SCN9A: variants seen among roughly 807,000 people sequenced by gnomAD.
SCN9A encodes sodium voltage-gated channel alpha subunit 9.
A neutral mutation model predicts 187.0 loss-of-function variants in SCN9A; 131 were observed. The observed-to-expected ratio is 0.70, with a 90% confidence interval of 0.61 to 0.81. The LOEUF is 0.81. Among genes scored for constraint, SCN9A ranks in the 30% least tolerant of loss-of-function variants. SCN9A has a pLI of 0.00. For synonymous variants in SCN9A, 809 were observed against 808.6 expected (o/e 1.00, Z -0.01); for missense variants, 2,252 against 2,396.6 (o/e 0.94, Z 1.26).
At chr2:166,272,910 G>T (rs2106461680) in intron 16 of SCN9A, 35 bp from the exon 17 acceptor site, 10 of 921,004 alleles carry the variant, frequency 1.1e-5, no homozygotes, top group Non-Finnish European at 1.5e-5. Flanking sequence ...TAGAGAAATA[G>T]GGAGACAGGA....
intron 1 of SCN9A, among the ~76,000 whole-genome samples, chr2:166,354,977 A>G (rs55989063): frequency 0.4 from 60,328 of 151,884 alleles, 13,024 homozygotes; most frequent in Non-Finnish European, 0.48. Flanking sequence ...AATGTCTCCT[A>G]CTGTTACCCA....
intron 21 of SCN9A, among the ~76,000 whole-genome samples, chr2:166,229,247 ATAAC>A (rs1346488290): frequency 1.3e-5 from 2 of 152,194 alleles, no homozygotes; most frequent in Non-Finnish European, 2.9e-5. Context: ...ATAAGACAAA[ATAAC>A]TAAGATAATA....
chr2:166,240,896 T>C (rs1439067200), intron 19 of SCN9A, among the ~76,000 whole-genome samples: 1 of 152,110 alleles, frequency 6.6e-6, no homozygotes, highest in African/African-American at 2.4e-5. Context: ...AAAGGATGCA[T>C]TCCCTAAGCT....
At chr2:166,308,497 G>C (rs1228301180) in intron 2 of SCN9A, among the ~76,000 whole-genome samples, 2 of 152,148 alleles carry the variant, frequency 1.3e-5, no homozygotes, top group African/African-American at 2.4e-5. Flanking sequence ...GATGTGCCTT[G>C]CTTCCCCTTT....
At chr2:166,323,819 TAA>T (rs1338763192) in intron 1 of SCN9A, among the ~76,000 whole-genome samples, 3 of 151,994 alleles carry the variant, frequency 2.0e-5, no homozygotes, top group African/African-American at 7.2e-5. Flanking sequence ...TTTAAGAGAA[TAA>T]GTTATTCTCT....
At chr2:166,252,655 T>C (rs1029830486) in intron 17 of SCN9A, among the ~76,000 whole-genome samples, 2 of 151,864 alleles carry the variant, frequency 1.3e-5, no homozygotes, top group African/African-American at 4.8e-5. Flanking sequence ...AAATTAAACA[T>C]GGCAGACTTA....
At chr2:166,263,272 T>C (rs924261160) in intron 17 of SCN9A, among the ~76,000 whole-genome samples, 2 of 152,024 alleles carry the variant, frequency 1.3e-5, no homozygotes, top group Non-Finnish European at 2.9e-5. Flanking sequence ...CATGCCTCAC[T>C]TTTTACAGAT....
intron 1 of SCN9A, among the ~76,000 whole-genome samples, chr2:166,356,058 A>T (rs533712836): frequency 5.3e-5 from 8 of 152,154 alleles, no homozygotes; most frequent in Non-Finnish European, 1.2e-4. Flanking sequence ...GGCGTGAGCC[A>T]CTGCGCCTGG....
chr2:166,334,841 C>A (rs932670980), intron 1 of SCN9A, among the ~76,000 whole-genome samples: 1 of 152,184 alleles, frequency 6.6e-6, no homozygotes, highest in South Asian at 2.1e-4. Context: ...GAGCTTAAAA[C>A]CTTGTATGAT....
chr2:166,361,266 A>C (rs868525965), intron 1 of SCN9A, among the ~76,000 whole-genome samples: 1 of 152,140 alleles, frequency 6.6e-6, no homozygotes, highest in African/African-American at 2.4e-5. Context: ...TGTATACCTA[A>C]AGCTAATGTT....
chr2:166,213,130 A>G (rs770681102), intron 24 of SCN9A, among the ~76,000 whole-genome samples: 17 of 152,220 alleles, frequency 1.1e-4, no homozygotes, highest in Non-Finnish European at 2.5e-4. Flanking sequence ...AATAATAAGT[A>G]TTAGAGCTAA....
rs1693239853 is a variant in SCN9A at position 166,196,042 on chromosome 2, T to G, written c.*2630A>C. ...GCCTGGGTGACAGAGCGAGACCTGG[T>G]CACTTAAAAAAGTTTTTAGAAAACC... On this transcript the variant is annotated 3_prime_UTR_variant, in exon 27 of 27. Coordinates refer to ENST00000642356, the MANE Select transcript of SCN9A (RefSeq NM_001365536.1). The G allele has an allele frequency of 8.1e-6, 1 of 124,032 alleles. No individual in the cohort carries two copies. The highest frequency in any genetic ancestry group is 1.7e-5 in the Non-Finnish European group (1 of 57,404). 7.7% of individuals were successfully genotyped at this position (124,032 alleles called of 1,614,324 possible). A position where few individuals can be genotyped will look rare whatever the true frequency, so the allele number is the denominator to read the frequency against.
At chr2:166,292,245 A>G (rs1698107590) in intron 9 of SCN9A, among the ~76,000 whole-genome samples, 1 of 152,112 alleles carries the variant, frequency 6.6e-6, no homozygotes, top group African/African-American at 2.4e-5. Flanking sequence ...ATTTCTATTA[A>G]TAATTGTATA....
intron 1 of SCN9A, among the ~76,000 whole-genome samples, chr2:166,347,210 CCTCT>C (rs537164960): frequency 1.8e-4 from 27 of 152,180 alleles, no homozygotes; most frequent in African/African-American, 5.8e-4. Flanking sequence ...ATAGCCCATT[CCTCT>C]CTCTCTTTCT....
At chr2:166,330,375 T>C (rs1160913187) in intron 1 of SCN9A, among the ~76,000 whole-genome samples, 1 of 152,220 alleles carries the variant, frequency 6.6e-6, no homozygotes, top group African/African-American at 2.4e-5. Flanking sequence ...TTCTTGAAAA[T>C]TGAATATTGT....
At chr2:166,246,566 A>C (rs1357154601) in intron 18 of SCN9A, among the ~76,000 whole-genome samples, 2 of 152,056 alleles carry the variant, frequency 1.3e-5, no homozygotes, top group Non-Finnish European at 2.9e-5. Flanking sequence ...AGAGCGAAAA[A>C]AATGAGATGA....
chr2:166,196,716 G>A lies in SCN9A; in HGVS notation c.*1956C>T, dbSNP rs530429883. On this transcript the variant is annotated 3_prime_UTR_variant, in exon 27 of 27. Transcript: ENST00000642356. The stretch of plus-strand genomic sequence containing the variant: ...AATTATCAAAACCTATTTCCAACAG[G>A]CTTGGTAGGTATGTGATAAAATGAT... 1 of 151,986 alleles carries A rather than the reference G, an allele frequency of 6.6e-6. No individual in the cohort carries two copies. The highest frequency in any genetic ancestry group is 1.9e-4 in the East Asian group (1 of 5,180). The allele number at this position is 151,986 out of a possible 1,614,324, so 9.4% of individuals were successfully genotyped here. A position where few individuals can be genotyped will look rare whatever the true frequency, so the allele number is the denominator to read the frequency against.
intron 1 of SCN9A, among the ~76,000 whole-genome samples, chr2:166,339,133 A>G (rs1699702930): frequency 6.6e-6 from 1 of 152,116 alleles, no homozygotes; most frequent in Non-Finnish European, 1.5e-5. Context: ...TGTCCTTGTA[A>G]TTAAATAAAA....
chr2:166,366,578 C>T (rs1424407049), intron 1 of SCN9A, among the ~76,000 whole-genome samples: 1 of 152,182 alleles, frequency 6.6e-6, no homozygotes, highest in African/African-American at 2.4e-5. Context: ...ATATTATTTT[C>T]CATAGCAGCT....
Sources: allele counts gnomAD v4.1 joint callset (sites outside exome capture counted in the v4.1 genomes callset), GRCh38; gene constraint gnomAD v4.1.1; transcripts MANE v1.5; gene names NCBI Gene and HGNC (gene_info 2026-07-23, HGNC 2026-07-21).